L3MBTL4: variants seen among roughly 807,000 people sequenced by gnomAD.
L3MBTL4 encodes L3MBTL histone methyl-lysine binding protein 4.
In L3MBTL4, 70 loss-of-function variants were observed where a neutral mutation model predicts 84.5. The observed-to-expected ratio is 0.83, with a 90% CI of 0.68 to 1.01. L3MBTL4 has a LOEUF of 1.01. Among genes scored for constraint, L3MBTL4 ranks in the 50% least tolerant of loss-of-function variants. L3MBTL4 has a pLI of 0.00. For missense variants in L3MBTL4, 715 were observed against 754.8 expected, an observed-to-expected ratio of 0.95 and a Z score of 0.62; for synonymous variants, 274 against 259.8, an observed-to-expected ratio of 1.05 and a Z score of -0.52.
chr18:6,289,854 T>G (rs1348578378), intron 4 of L3MBTL4, among the ~76,000 whole-genome samples: 1 of 152,200 alleles, frequency 6.6e-6, no homozygotes. Flanking sequence ...CTTGGACACA[T>G]TTTTCCTGTA....
chr18:5,963,622 T>C (rs2052179315), intron 17 of L3MBTL4, among the ~76,000 whole-genome samples: 1 of 152,250 alleles, frequency 6.6e-6, no homozygotes. Flanking sequence ...TTCCATGAAC[T>C]GTATTAAGCA....
intron 1 of L3MBTL4, among the ~76,000 whole-genome samples, chr18:6,330,536 C>A (rs910739784): frequency 2.6e-5 from 4 of 152,362 alleles, no homozygotes; most frequent in Admixed American, 2.0e-4. Flanking sequence ...TTTAAAGGAA[C>A]TATGCAATTA....
chr18:6,227,387 T>C (rs2046822547), intron 10 of L3MBTL4, among the ~76,000 whole-genome samples: 1 of 152,156 alleles, frequency 6.6e-6, no homozygotes, highest in South Asian at 2.1e-4. Context: ...TTCTGAGCCA[T>C]GGAGGGGAAA....
At chr18:6,065,495 C>T (rs531788676) in intron 16 of L3MBTL4, among the ~76,000 whole-genome samples, 19 of 151,486 alleles carry the variant, frequency 1.3e-4, no homozygotes, top group South Asian at 8.3e-4. Context: ...TTGTTGTTGA[C>T]GGCAATTTTT....
chr18:6,300,068 T>C (rs1212897888), intron 4 of L3MBTL4, among the ~76,000 whole-genome samples: 1 of 152,194 alleles, frequency 6.6e-6, no homozygotes, highest in Non-Finnish European at 1.5e-5. Context: ...TTTGTTACTA[T>C]TTCTAAGACA....
At chr18:6,113,790 A>T (rs1339686228) in intron 14 of L3MBTL4, among the ~76,000 whole-genome samples, 3 of 152,190 alleles carry the variant, frequency 2.0e-5, no homozygotes, top group East Asian at 1.9e-4. Context: ...TTACTTTTTC[A>T]AACACTGGAT....
chr18:6,076,656 T>C (rs1397417944), intron 16 of L3MBTL4, among the ~76,000 whole-genome samples: 1 of 144,092 alleles, frequency 6.9e-6, no homozygotes, highest in East Asian at 2.1e-4. Flanking sequence ...TCACCAAATA[T>C]AATATGATTC....
chr18:6,163,300 TGTGTGTGG>T (rs1200427102), intron 13 of L3MBTL4, among the ~76,000 whole-genome samples: 2,074 of 125,402 alleles, frequency 0.017, 73 homozygotes, highest in African/African-American at 0.061. Context: ...TGTGTGTGTG[TGTGTGTGG>T]GTGGGTGTGT....
intron 13 of L3MBTL4, among the ~76,000 whole-genome samples, chr18:6,160,455 G>C (rs529719482): frequency 3.9e-5 from 6 of 152,336 alleles, no homozygotes; most frequent in Admixed American, 1.3e-4. Flanking sequence ...GAGTTGGCCA[G>C]GGGCGGTGGC....
chr18:6,345,391 G>A (rs558901433), intron 1 of L3MBTL4, among the ~76,000 whole-genome samples: 26 of 151,738 alleles, frequency 1.7e-4, no homozygotes, highest in South Asian at 6.2e-4. Context: ...GTAAGACTCC[G>A]TCTCAAAAAC....
At chr18:6,247,503 G>A (rs2047725529) in intron 5 of L3MBTL4, among the ~76,000 whole-genome samples, 2 of 112,210 alleles carry the variant, frequency 1.8e-5, no homozygotes, top group African/African-American at 9.5e-5. Context: ...TTTTTAGATG[G>A]AGTCTCGCTG....
At chr18:5,980,620 AAGGATTTTGTC>A (rs1475069787) in intron 16 of L3MBTL4, among the ~76,000 whole-genome samples, 3 of 151,650 alleles carry the variant, frequency 2.0e-5, no homozygotes, top group Admixed American at 6.6e-5. Context: ...TTAGTAGAGA[AAGGATTTTGTC>A]ATGTTGGCCA....
At chr18:6,165,851 C>T (rs755529006) in intron 13 of L3MBTL4, among the ~76,000 whole-genome samples, 19 of 152,182 alleles carry the variant, frequency 1.2e-4, no homozygotes, top group East Asian at 3.9e-4. Context: ...AAATGTAAAT[C>T]GGCTAAATGC....
At position 6,235,856 on chromosome 18, in the gene L3MBTL4, G is replaced by C. The variant is rs147316741; in HGVS notation, c.784+2108C>G. Among the ~76,000 whole-genome samples, 130 of 152,208 alleles carry C rather than the reference G, an allele frequency of 8.5e-4. 1 individual carries two copies. In the Middle Eastern group the frequency reaches 0.017, roughly 20 times the overall value. On this transcript the variant is annotated intron_variant, in intron 10 of 18. Transcript: ENST00000317931. Reference sequence around the variant, plus strand: ...CTGTGTGAATTTTACATCAATAAAAGAAGAATAAAATAGTAGCAAATTTAA... The same window carrying C: ...CTGTGTGAATTTTACATCAATAAAACAAGAATAAAATAGTAGCAAATTTAA...
At chr18:6,213,796 T>C (rs2046215071) in intron 11 of L3MBTL4, among the ~76,000 whole-genome samples, 1 of 152,234 alleles carries the variant, frequency 6.6e-6, no homozygotes, top group African/African-American at 2.4e-5. Flanking sequence ...AAATAATTTT[T>C]TGGCCATTTT....
intron 10 of L3MBTL4, among the ~76,000 whole-genome samples, chr18:6,217,063 C>T (rs911319039): frequency 2.0e-5 from 3 of 152,146 alleles, no homozygotes; most frequent in African/African-American, 7.2e-5. Flanking sequence ...GCTCAATTCT[C>T]TAAAATAAGT....
chr18:6,160,680 G>A (rs2043295998), intron 13 of L3MBTL4, among the ~76,000 whole-genome samples: 1 of 138,762 alleles, frequency 7.2e-6, no homozygotes, highest in African/African-American at 2.7e-5. Flanking sequence ...GCAGTGAGCT[G>A]AAATCGCACC....
In L3MBTL4 at chr18:6,171,939, G is replaced by A; in HGVS notation, c.985C>T (p.His329Tyr). 2 of 1,523,708 alleles carry A rather than the reference G, an allele frequency of 1.3e-6. No individual in the cohort carries two copies. The highest frequency in any genetic ancestry group is 1.8e-6 in the Non-Finnish European group (2 of 1,123,852). The allele number at this position is 1,523,708 out of a possible 1,614,324, so 94.4% of individuals were successfully genotyped here. The change falls in exon 13 of 19, where the codon CAT (histidine) becomes TAT (tyrosine). Residue 329 changes from histidine (H) to tyrosine (Y), a missense_variant. His to Tyr is a moderately conservative substitution (Grantham distance 83). Coordinates refer to ENST00000317931, the MANE Select transcript of L3MBTL4 (RefSeq NM_001330559.2). ...TACTTATGGTCCCAACCATCAAAAT[G>A]AACCTGTTAAAACGAGTTTTGAATG... ...VDVDDQRVKV[H>Y]FDGWDHKYDY...
At chr18:6,240,406 A>G (rs1237209749) in intron 8 of L3MBTL4, among the ~76,000 whole-genome samples, 1 of 149,812 alleles carries the variant, frequency 6.7e-6, no homozygotes, top group Non-Finnish European at 1.5e-5. Context: ...ATTTATATAT[A>G]ATTTATATAT....
Sources: gnomAD v4.1 joint callset for allele counts (sites outside exome capture counted in the v4.1 genomes callset) on GRCh38, gnomAD v4.1.1 for gene constraint, MANE v1.5 for transcripts, NCBI Gene and HGNC (gene_info 2026-07-23, HGNC 2026-07-21) for gene names.